The following GABARAPL1 variants were observed in gnomAD, a reference collection of about 807,000 sequenced individuals.
GABARAPL1 encodes GABA type A receptor associated protein like 1, also known as gamma-aminobutyric acid receptor-associated protein-like 1.
In GABARAPL1, 4 loss-of-function variants were observed where a neutral mutation model predicts 14.5. That is an observed-to-expected ratio of 0.28 (90% confidence interval 0.14 to 0.63). The LOEUF is 0.63. GABARAPL1 is among the 30% of genes least tolerant of loss of function. GABARAPL1 has a pLI of 0.84. For synonymous variants in GABARAPL1, 47 were observed against 50.6 expected, an observed-to-expected ratio of 0.93 and a Z score of 0.30; for missense variants, 82 against 139.2, an observed-to-expected ratio of 0.59 and a Z score of 2.07.
intron 3 of GABARAPL1, chr12:10,220,839 G>A (rs1565438101): frequency 7.1e-7 from 1 of 1,416,758 alleles, no homozygotes. Context: ...TGAAACAGCA[G>A]GAAGTGATTC....
At chr12:10,220,895 A>G (rs1006163209) in intron 3 of GABARAPL1, 2 of 1,392,094 alleles carry the variant, frequency 1.4e-6, no homozygotes, top group Non-Finnish European at 1.9e-6. Flanking sequence ...AGTTCCTGCT[A>G]TTCTGGTTGG....
chr12:10,223,027 CTT>C lies in GABARAPL1; in HGVS notation c.*1176_*1177del, dbSNP rs1334429842. 6.6e-6 allele frequency: 1 copy of C among 152,660 alleles called. No homozygotes were observed. The highest frequency in any genetic ancestry group is 1.9e-4 in the East Asian group (1 of 5,186). The allele number at this position is 152,660 out of a possible 1,614,324, so 9.5% of individuals were successfully genotyped here. On this transcript the variant is annotated 3_prime_UTR_variant, in exon 4 of 4. Transcript: ENST00000266458. ...TCTGCTAATGAAAAGGGTTCTTTCT[CTT>C]GGGGGAAATGTGTGTGTCAGTTCTG...
At chr12:10,213,458 G>A (rs775711399) in intron 1 of GABARAPL1, 34 of 549,460 alleles carry the variant, frequency 6.2e-5, no homozygotes, top group Admixed American at 3.3e-4. Flanking sequence ...TTTGGGGGCC[G>A]AGCCGCCGTC....
chr12:10,214,989 A>G (rs937012416), intron 1 of GABARAPL1, among the ~76,000 whole-genome samples: 1 of 152,218 alleles, frequency 6.6e-6, no homozygotes, highest in Admixed American at 6.5e-5. Flanking sequence ...TTTTTAAGCC[A>G]TTAAGCCTGT....
At chr12:10,218,257 G>A in intron 2 of GABARAPL1, 116 bp downstream of exon 2, 2 of 743,434 alleles carry the variant, frequency 2.7e-6, no homozygotes, top group Non-Finnish European at 4.9e-6. Flanking sequence ...AAGTGAGTGG[G>A]ATGCTCTGGA....
intron 2 of GABARAPL1, among the ~76,000 whole-genome samples, chr12:10,219,333 C>A (rs115035576): frequency 5.5e-4 from 77 of 139,308 alleles, no homozygotes; most frequent in Admixed American, 1.2e-3. Context: ...AAACAAAAAA[C>A]AAAAAAAAAA....
rs1396809272 is a variant in GABARAPL1 at position 10,222,680 on chromosome 12, C to T, written c.*828C>T. On this transcript the variant is annotated 3_prime_UTR_variant, in exon 4 of 4. Transcript: ENST00000266458. ...ACTAAAACCACTCTTAGCATCTCCT[C>T]TAGTATTTTCCATGTATCAGGACAG... is the stretch of plus-strand genomic sequence containing the variant. The T allele has an allele frequency of 6.6e-6, 1 of 152,152 alleles. No homozygotes were observed. Among genetic ancestry groups the T allele is most frequent in the African/African-American group, 2.4e-5 (1 of 41,420 alleles). 9.4% of individuals were successfully genotyped at this position (152,152 alleles called of 1,614,324 possible). A position where few individuals can be genotyped will look rare whatever the true frequency, so the allele number is the denominator to read the frequency against.
chr12:10,220,158 C>G (rs541181837), intron 2 of GABARAPL1, among the ~76,000 whole-genome samples: 1 of 152,280 alleles, frequency 6.6e-6, no homozygotes, highest in African/African-American at 2.4e-5. Flanking sequence ...ACGTAGTCCT[C>G]AGGCTTTGAG....
intron 3 of GABARAPL1, chr12:10,220,921 A>G: frequency 1.5e-6 from 2 of 1,348,322 alleles, no homozygotes; most frequent in Non-Finnish European, 1.9e-6. Context: ...TGTAATTTGT[A>G]ATGCATTCAG....
chr12:10,214,669 A>G (rs1186874067), intron 1 of GABARAPL1: 1 of 152,214 alleles, frequency 6.6e-6, no homozygotes, highest in African/African-American at 2.4e-5. Context: ...CGTTCTACAG[A>G]TGGAGTATTC....
At chr12:10,217,107 T>C (rs77395953) in intron 1 of GABARAPL1, among the ~76,000 whole-genome samples, 2,017 of 152,278 alleles carry the variant, frequency 0.013, 38 homozygotes, top group African/African-American at 0.046. Flanking sequence ...AAATCTTTTA[T>C]ATTTTTATAG....
At chr12:10,220,922 A>G in intron 3 of GABARAPL1, 2 of 1,346,760 alleles carry the variant, frequency 1.5e-6, no homozygotes, top group South Asian at 4.2e-5. Context: ...GTAATTTGTA[A>G]TGCATTCAGA....
intron 3 of GABARAPL1, 184 bp from the exon 4 acceptor site, chr12:10,221,603 T>C: frequency 2.0e-6 from 1 of 488,720 alleles, no homozygotes; most frequent in African/African-American, 2.1e-5. Flanking sequence ...CAATGAAGGA[T>C]TTTTGTTTGT....
Position 10,212,997 on chromosome 12 carries a change from C to T in GABARAPL1, c.-133C>T. Reference sequence around the variant, plus strand: ...AACCCCCCCTGCACACTCGGCCCAGCGCTGTTGCCCCCGGAGCGGACGTTT... The same window carrying T: ...AACCCCCCCTGCACACTCGGCCCAGTGCTGTTGCCCCCGGAGCGGACGTTT... On this transcript the variant is annotated 5_prime_UTR_variant, in exon 1 of 4. Coordinates refer to ENST00000266458, the MANE Select transcript of GABARAPL1 (RefSeq NM_031412.4). 3.1e-6 allele frequency: 2 copies of T among 637,792 alleles called. No individual in the cohort carries two copies. Among genetic ancestry groups the T allele is most frequent in the Admixed American group, 2.5e-5 (1 of 40,140 alleles). 39.5% of individuals were successfully genotyped at this position (637,792 alleles called of 1,614,324 possible).
At chr12:10,215,666 A>G (rs11833542) in intron 1 of GABARAPL1, among the ~76,000 whole-genome samples, 1 of 151,054 alleles carries the variant, frequency 6.6e-6, no homozygotes, top group Non-Finnish European at 1.5e-5. Context: ...CACTTTCTTT[A>G]TCTGTCTTCC....
At chr12:10,214,823 A>G (rs1022001039) in intron 1 of GABARAPL1, 2 of 152,200 alleles carry the variant, frequency 1.3e-5, no homozygotes, top group East Asian at 3.8e-4. Flanking sequence ...TTTCTAATAT[A>G]GTTGTATTAA....
At position 10,220,325 on chromosome 12, in the gene GABARAPL1, T is replaced by C. The variant is rs998389451; in HGVS notation, c.170-115T>C. The C allele has an allele frequency of 5.5e-6, 8 of 1,463,856 alleles. No homozygotes were observed. The African/African-American group carries it at 8.4e-5, about 15-fold the overall frequency. 90.7% of individuals were successfully genotyped at this position (1,463,856 alleles called of 1,614,324 possible). Reference sequence around the variant, plus strand: ...GCTCTTCTCAGATGGTATATAAAGCTGGTACTGACTCTAAGGTGAAAAAAT... The same window carrying C: ...GCTCTTCTCAGATGGTATATAAAGCCGGTACTGACTCTAAGGTGAAAAAAT... On this transcript the variant is annotated intron_variant, in intron 2 of 3. Transcript: ENST00000266458.
chr12:10,216,976 A>G (rs1949094217), intron 1 of GABARAPL1, among the ~76,000 whole-genome samples: 2 of 152,212 alleles, frequency 1.3e-5, no homozygotes, highest in African/African-American at 4.8e-5. Context: ...ATTTTTTTAC[A>G]ACTTGAACTA....
chr12:10,219,536 T>C (rs2137590410), intron 2 of GABARAPL1, among the ~76,000 whole-genome samples: 1 of 152,276 alleles, frequency 6.6e-6, no homozygotes, highest in South Asian at 2.1e-4. Context: ...GTGTGGTGGC[T>C]CATGCCTGTA....
Sources: gnomAD v4.1 joint callset for allele counts (sites outside exome capture counted in the v4.1 genomes callset) on GRCh38, gnomAD v4.1.1 for gene constraint, MANE v1.5 for transcripts, NCBI Gene and HGNC (gene_info 2026-07-23, HGNC 2026-07-21) for gene names.